Variants in HPSE2 observed in about 807,000 individuals in gnomAD.
HPSE2 encodes the protein heparanase 2 (inactive).
Under a neutral mutation model 60.5 loss-of-function variants are expected in HPSE2, and 38 were observed. The ratio of observed to expected loss-of-function variants is 0.63; its 90% CI spans 0.48 to 0.82. The LOEUF (loss-of-function observed/expected upper bound fraction) is 0.82. Ranked by LOEUF, HPSE2 falls within the 40% of genes least tolerant of loss-of-function variation. The pLI is 0.00. For missense variants in HPSE2, 713 were observed against 740.4 expected (o/e 0.96, Z 0.43); for synonymous variants, 295 against 293.2 (o/e 1.01, Z -0.06).
At position 99,044,801 on chromosome 10, in the gene HPSE2, A is replaced by C. The variant is rs751535923; in HGVS notation, c.610+99437T>G. ...TTACATAATGATAAAGACTACAAGCACACAAGAAGACTTAACTATCCTAAA... is the reference window on the plus strand; with the variant it reads ...TTACATAATGATAAAGACTACAAGCCCACAAGAAGACTTAACTATCCTAAA... On this transcript the variant is annotated intron_variant, in intron 3 of 11. Coordinates refer to ENST00000370552, the MANE Select transcript of HPSE2 (RefSeq NM_021828.5). 1.1e-4 allele frequency among the ~76,000 whole-genome samples: 16 copies of C among 152,316 alleles called. 1 individual carries two copies. Among genetic ancestry groups the C allele is most frequent in the South Asian group, 6.2e-4 (3 of 4,828 alleles).
the HPSE2 span, among the ~76,000 whole-genome samples, chr10:99,266,463 C>T: frequency 6.6e-6 from 1 of 152,046 alleles, no homozygotes; most frequent in Non-Finnish European, 1.5e-5. Flanking sequence ...GAGAACAACA[C>T]ACCCATCCCC....
At chr10:99,194,633 C>A (rs1848331310) in intron 2 of HPSE2, among the ~76,000 whole-genome samples, 1 of 151,152 alleles carries the variant, frequency 6.6e-6, no homozygotes. Flanking sequence ...AACTACATGC[C>A]AATAAACTGG....
intron 9 of HPSE2, among the ~76,000 whole-genome samples, chr10:98,538,826 T>C (rs1023816223): frequency 1.3e-5 from 2 of 152,144 alleles, no homozygotes; most frequent in African/African-American, 4.8e-5. Context: ...AATGGAAGAA[T>C]TGCAAAGTTT....
chr10:98,485,402 T>C (rs926909352), intron 10 of HPSE2, among the ~76,000 whole-genome samples: 2 of 152,190 alleles, frequency 1.3e-5, no homozygotes, highest in African/African-American at 4.8e-5. Flanking sequence ...GATGCCTGCA[T>C]TTGTGTTCTG....
rs77013517 is a variant in HPSE2 at position 99,112,161 on chromosome 10, T to G, written c.610+32077A>C. Reference sequence around the variant, plus strand: ...AAATGGCAAAGCTAAAATCCAGGTCTCTCAACTCTGAAAATTTCTCCCTAA... The same window carrying G: ...AAATGGCAAAGCTAAAATCCAGGTCGCTCAACTCTGAAAATTTCTCCCTAA... On this transcript the variant is annotated intron_variant, in intron 3 of 11. Coordinates refer to ENST00000370552, the MANE Select transcript of HPSE2 (RefSeq NM_021828.5). 1.2e-3 allele frequency among the ~76,000 whole-genome samples: 184 copies of G among 152,328 alleles called. 2 individuals carry two copies. In the East Asian group the frequency reaches 0.033, roughly 27 times the overall value.
chr10:98,966,644 G>A (rs779419614), intron 3 of HPSE2, among the ~76,000 whole-genome samples: 3 of 152,074 alleles, frequency 2.0e-5, no homozygotes, highest in Admixed American at 6.6e-5. Context: ...TCTGTGACGC[G>A]CCCCCTCAAC....
chr10:98,647,237 G>C (rs1946794427), intron 6 of HPSE2, among the ~76,000 whole-genome samples: 2 of 152,184 alleles, frequency 1.3e-5, no homozygotes, highest in African/African-American at 4.8e-5. Context: ...CCTAGATTCA[G>C]TCTTCAGGAT....
the HPSE2 span, among the ~76,000 whole-genome samples, chr10:99,252,202 G>C: frequency 1.3e-5 from 2 of 151,960 alleles, no homozygotes; most frequent in African/African-American, 2.4e-5. Context: ...TAAACCCACA[G>C]CCAACATCAT....
chr10:98,599,969 A>G lies in HPSE2; in HGVS notation c.1320+14935T>C, dbSNP rs558679515. Among the ~76,000 whole-genome samples the G allele has an allele frequency of 2.0e-5, 3 of 152,330 alleles. No individual in the cohort carries two copies. In the South Asian group the frequency reaches 6.2e-4, roughly 32 times the overall value. On this transcript the variant is annotated intron_variant, in intron 9 of 11. Coordinates refer to ENST00000370552, the MANE Select transcript of HPSE2 (RefSeq NM_021828.5). The stretch of plus-strand genomic sequence containing the variant: ...AGTGGTTAAAGTGATCATTAGCAAA[A>G]AAGTCATGTTTCCTAAAGGGAATCT...
At chr10:98,559,315 G>A (rs186198522) in intron 9 of HPSE2, among the ~76,000 whole-genome samples, 1 of 152,012 alleles carries the variant, frequency 6.6e-6, no homozygotes, top group African/African-American at 2.4e-5. Context: ...AGCATGAGCC[G>A]CTGCACCCGG....
At chr10:99,196,116 C>A (rs539108875) in intron 2 of HPSE2, among the ~76,000 whole-genome samples, 1 of 152,222 alleles carries the variant, frequency 6.6e-6, no homozygotes, top group African/African-American at 2.4e-5. Flanking sequence ...AAAGGACAGT[C>A]TCTTCAATAA....
At chr10:98,599,725 C>T (rs945953685) in intron 9 of HPSE2, among the ~76,000 whole-genome samples, 3 of 152,144 alleles carry the variant, frequency 2.0e-5, no homozygotes, top group African/African-American at 7.2e-5. Flanking sequence ...TGAAGAGGTT[C>T]AATGTGTCTT....
intron 6 of HPSE2, among the ~76,000 whole-genome samples, chr10:98,673,303 G>A (rs977740214): frequency 2.0e-5 from 3 of 152,132 alleles, no homozygotes; most frequent in Non-Finnish European, 4.4e-5. Flanking sequence ...TGGTCCAGCT[G>A]TTACCAGTCT....
chr10:98,854,573 C>A (rs1023763430), intron 3 of HPSE2, among the ~76,000 whole-genome samples: 1 of 152,096 alleles, frequency 6.6e-6, no homozygotes, highest in Non-Finnish European at 1.5e-5. Flanking sequence ...GTACCTACTG[C>A]TACACATAAA....
chr10:99,068,360 T>C (rs1842679810), intron 3 of HPSE2, among the ~76,000 whole-genome samples: 1 of 152,206 alleles, frequency 6.6e-6, no homozygotes, highest in African/African-American at 2.4e-5. Context: ...GGAGGTTTAA[T>C]TGACACAGTT....
intron 2 of HPSE2, among the ~76,000 whole-genome samples, chr10:99,178,682 A>C (rs1300170622): frequency 6.6e-6 from 1 of 152,146 alleles, no homozygotes; most frequent in Non-Finnish European, 1.5e-5. Context: ...GCCAAATTCT[A>C]CAGAGGTACA....
intron 3 of HPSE2, among the ~76,000 whole-genome samples, chr10:98,754,174 T>C (rs1453741836): frequency 1.3e-5 from 2 of 152,304 alleles, no homozygotes; most frequent in East Asian, 3.9e-4. Flanking sequence ...ACTGATCTGA[T>C]AGAGTTGAAA....
chr10:98,689,794 T>G (rs1013381634), intron 6 of HPSE2, among the ~76,000 whole-genome samples: 3 of 152,250 alleles, frequency 2.0e-5, no homozygotes, highest in Admixed American at 6.5e-5. Context: ...ATGATTTTTT[T>G]GGACAAGTCT....
chr10:98,486,757 A>C (rs1181568896), intron 10 of HPSE2, among the ~76,000 whole-genome samples: 2 of 152,088 alleles, frequency 1.3e-5, no homozygotes, highest in Non-Finnish European at 2.9e-5. Flanking sequence ...AACTGGGTTG[A>C]TCCATTGTCT....
Sources: gnomAD v4.1 joint callset for allele counts (sites outside exome capture counted in the v4.1 genomes callset) on GRCh38, gnomAD v4.1.1 for gene constraint, MANE v1.5 for transcripts, NCBI Gene and HGNC (gene_info 2026-07-23, HGNC 2026-07-21) for gene names.